CSMD1: variants seen among roughly 807,000 people sequenced by gnomAD.
CSMD1 encodes CUB and sushi domain-containing protein 1.
CSMD1 carries 213 observed loss-of-function variants against 417.5 expected under a neutral mutation model. The observed-to-expected ratio is 0.51, with a 90% CI of 0.46 to 0.57. CSMD1 has a LOEUF of 0.57. CSMD1 is among the 20% of genes least tolerant of loss of function. CSMD1 has a pLI of 0.00. For synonymous variants in CSMD1, 2,862 were observed against 1,736.8 expected (o/e 1.65, Z -16.11); for missense variants, 6,923 against 4,529.7 (o/e 1.53, Z -15.17).
At chr8:2,957,667 G>A in intron 63 of CSMD1, 29 bp downstream of exon 63, 1 of 1,349,638 alleles carries the variant, frequency 7.4e-7, no homozygotes, top group South Asian at 1.2e-5. Flanking sequence ...TAGGTGACTT[G>A]TGATGGGGGT....
At chr8:4,331,612 G>A (rs1254006509) in intron 3 of CSMD1, among the ~76,000 whole-genome samples, 1 of 152,096 alleles carries the variant, frequency 6.6e-6, no homozygotes, top group East Asian at 1.9e-4. Context: ...GGCAACTGTG[G>A]CTTTCTTCTG....
chr8:3,817,093 G>A (rs1219766909), intron 5 of CSMD1, among the ~76,000 whole-genome samples: 3 of 151,786 alleles, frequency 2.0e-5, no homozygotes, highest in African/African-American at 4.8e-5. Flanking sequence ...GAGGTCTCTG[G>A]GAAAGAGAAA....
chr8:3,232,307 C>G (rs1044976083), intron 26 of CSMD1, among the ~76,000 whole-genome samples: 3 of 152,184 alleles, frequency 2.0e-5, no homozygotes, highest in East Asian at 1.9e-4. Flanking sequence ...GTGACTCTCT[C>G]TGTCTTAAAT....
chr8:3,672,095 G>T (rs1018808298), intron 7 of CSMD1, among the ~76,000 whole-genome samples: 5 of 152,126 alleles, frequency 3.3e-5, no homozygotes, highest in Admixed American at 2.0e-4. Flanking sequence ...ATTCTAAAAG[G>T]TTGATGCAGC....
intron 5 of CSMD1, among the ~76,000 whole-genome samples, chr8:3,935,395 T>C (rs930094481): frequency 6.6e-6 from 1 of 152,226 alleles, no homozygotes; most frequent in Non-Finnish European, 1.5e-5. Flanking sequence ...TGGACTTTGC[T>C]CTATTGCATT....
intron 49 of CSMD1, among the ~76,000 whole-genome samples, chr8:3,053,471 A>G (rs1383945213): frequency 6.6e-6 from 1 of 152,092 alleles, no homozygotes; most frequent in African/African-American, 2.4e-5. Flanking sequence ...CATTTTCCCT[A>G]AAGCCCCAGG....
At chr8:4,677,042 TTATA>T (rs1257537683) in intron 1 of CSMD1, among the ~76,000 whole-genome samples, 3 of 146,632 alleles carry the variant, frequency 2.0e-5, no homozygotes, top group South Asian at 4.2e-4. Context: ...ATAGAGAGAA[TTATA>T]TATATAGAAT....
At chr8:4,407,390 A>G (rs1310713504) in intron 3 of CSMD1, among the ~76,000 whole-genome samples, 1 of 152,222 alleles carries the variant, frequency 6.6e-6, no homozygotes, top group Non-Finnish European at 1.5e-5. Flanking sequence ...AACAGGCTAG[A>G]AGGCAACTTG....
chr8:4,693,488 G>C (rs1050917013), intron 1 of CSMD1, among the ~76,000 whole-genome samples: 1 of 152,128 alleles, frequency 6.6e-6, no homozygotes. Flanking sequence ...GGGGACATTA[G>C]TCCTATACTG....
rs149022787 is a variant in CSMD1 at position 2,953,338 on chromosome 8, C to T, written c.10039+886G>A. On this transcript the variant is annotated intron_variant, in intron 65 of 69. Transcript: ENST00000635120. ...CCTTGTCTAAGAATTAAATGTGTCA[C>T]ACAGCATCCTGACAATATTTTTCCT... Among the ~76,000 whole-genome samples the T allele has an allele frequency of 2.4e-3, 364 of 151,930 alleles. 2 individuals are homozygous for T. Among genetic ancestry groups the T allele is most frequent in the Middle Eastern group, 0.021 (6 of 290 alleles).
At chr8:4,925,071 T>A (rs1357386635) in intron 1 of CSMD1, among the ~76,000 whole-genome samples, 1 of 152,196 alleles carries the variant, frequency 6.6e-6, no homozygotes, top group East Asian at 1.9e-4. Flanking sequence ...TGGGTTGTTA[T>A]CAAGCATATT....
chr8:3,108,617 A>G lies in CSMD1; in HGVS notation c.6740T>C (p.Val2247Ala). The G allele has an allele frequency of 6.2e-7, 1 of 1,613,786 alleles. No individual in the cohort carries two copies. The highest frequency in any genetic ancestry group is 1.1e-5 in the South Asian group (1 of 91,002). ...HSDFSNGGFF[V>A]LNFHAFQLKK... The stretch of plus-strand genomic sequence containing the variant: ...AATCAACTGACCGTGGAAATTGAGG[A>G]CAAAGAAGCCTCCATTTGAAAAGTC... Residue 2247 changes from valine (V) to alanine (A), a missense_variant, in exon 44 of 70, where the codon GTC (valine) becomes GCC (alanine). Val to Ala is a moderately conservative substitution (Grantham distance 64). Coordinates refer to ENST00000635120, the MANE Select transcript of CSMD1 (RefSeq NM_033225.6).
At chr8:4,041,481 C>T (rs1797892766) in intron 3 of CSMD1, among the ~76,000 whole-genome samples, 2 of 152,180 alleles carry the variant, frequency 1.3e-5, no homozygotes, top group South Asian at 2.1e-4. Flanking sequence ...AAGGATCAAA[C>T]TGTTCCACAA....
At chr8:4,589,184 A>G (rs1271678534) in intron 2 of CSMD1, among the ~76,000 whole-genome samples, 2 of 152,164 alleles carry the variant, frequency 1.3e-5, no homozygotes, top group East Asian at 3.9e-4. Flanking sequence ...AAAAAAGGGA[A>G]TTGGATAGAG....
At chr8:3,866,649 G>C (rs865927282) in intron 5 of CSMD1, among the ~76,000 whole-genome samples, 47 of 150,332 alleles carry the variant, frequency 3.1e-4, no homozygotes, top group Middle Eastern at 3.4e-3. Context: ...ATGTGATTCA[G>C]GAAATAATAA....
At chr8:4,700,015 A>C (rs1807416396) in intron 1 of CSMD1, among the ~76,000 whole-genome samples, 1 of 152,216 alleles carries the variant, frequency 6.6e-6, no homozygotes. Context: ...TCATCTCGCT[A>C]ATCTTAGAAA....
intron 26 of CSMD1, among the ~76,000 whole-genome samples, chr8:3,257,591 T>C (rs1800750780): frequency 6.6e-6 from 1 of 152,142 alleles, no homozygotes; most frequent in African/African-American, 2.4e-5. Flanking sequence ...GTCATGGAAG[T>C]TCCCCTGAGA....
At chr8:3,952,507 A>G (rs1344685148) in intron 5 of CSMD1, among the ~76,000 whole-genome samples, 1 of 152,252 alleles carries the variant, frequency 6.6e-6, no homozygotes, top group African/African-American at 2.4e-5. Context: ...TACAAGCCAC[A>G]TAAACAAAAC....
At chr8:3,979,968 T>C (rs1036822514) in intron 5 of CSMD1, among the ~76,000 whole-genome samples, 2 of 152,218 alleles carry the variant, frequency 1.3e-5, no homozygotes, top group African/African-American at 4.8e-5. Flanking sequence ...ACTGCCAAAG[T>C]TAAATATTAA....
Sources: allele counts gnomAD v4.1 joint callset (sites outside exome capture counted in the v4.1 genomes callset), GRCh38; gene constraint gnomAD v4.1.1; transcripts MANE v1.5; gene names NCBI Gene and HGNC (gene_info 2026-07-23, HGNC 2026-07-21).